The following PTPRN2 variants were observed in gnomAD, a reference collection of about 807,000 sequenced individuals.
PTPRN2 encodes receptor-type tyrosine-protein phosphatase N2.
PTPRN2 carries 74 observed loss-of-function variants against 118.8 expected under a neutral mutation model. That is an observed-to-expected ratio of 0.62 (90% CI 0.52 to 0.76). The LOEUF (loss-of-function observed/expected upper bound fraction) is 0.76, where lower values mean the gene tolerates loss of function less well. Ranked by LOEUF, PTPRN2 falls within the 30% of genes least tolerant of loss-of-function variation. PTPRN2 has a pLI of 0.00. For missense variants in PTPRN2, 1,481 were observed against 1,394.4 expected (o/e 1.06, Z -0.99); for synonymous variants, 641 against 608.0 (o/e 1.05, Z -0.80).
intron 12 of PTPRN2, among the ~76,000 whole-genome samples, chr7:157,707,355 C>A (rs1798385387): frequency 6.6e-6 from 1 of 152,120 alleles, no homozygotes; most frequent in African/African-American, 2.4e-5. Context: ...TAAACACCAA[C>A]TCAAGCACAC....
Position 158,574,366 on chromosome 7 carries a change from T to A in PTPRN2, c.112+13192A>T, listed in dbSNP as rs189107154. Among the ~76,000 whole-genome samples the A allele has an allele frequency of 0.011, 1,662 of 152,386 alleles. 14 individuals carry two copies. The highest frequency in any genetic ancestry group is 0.02 in the Middle Eastern group (6 of 294). The stretch of plus-strand genomic sequence containing the variant: ...ATTTCTCATTCTCTTAAATTTGTTT[T>A]GAATTTTTTATTATAAACATACAAT... On this transcript the variant is annotated intron_variant, in intron 1 of 22. Coordinates refer to ENST00000389418, the MANE Select transcript of PTPRN2 (RefSeq NM_002847.5). The surrounding 1 kb of genome is among the most constrained non-coding windows in gnomAD (Gnocchi z 4.6).
chr7:157,664,042 G>A (rs1329286186), intron 13 of PTPRN2, among the ~76,000 whole-genome samples: 1 of 152,188 alleles, frequency 6.6e-6, no homozygotes, highest in East Asian at 1.9e-4. Flanking sequence ...AAGCAAGGCT[G>A]CCAGTGTGGG....
At chr7:157,563,269 C>T (rs1314151197) in intron 21 of PTPRN2, among the ~76,000 whole-genome samples, 4 of 137,036 alleles carry the variant, frequency 2.9e-5, no homozygotes, top group South Asian at 2.5e-4. Context: ...ATCAGGACCA[C>T]GTGCTCCCAC....
chr7:158,047,126 C>A (rs1048328698), intron 11 of PTPRN2, among the ~76,000 whole-genome samples: 1 of 152,212 alleles, frequency 6.6e-6, no homozygotes, highest in African/African-American at 2.4e-5. Context: ...GGTCACAGAG[C>A]ATTTGCTGAG....
intron 5 of PTPRN2, among the ~76,000 whole-genome samples, chr7:158,181,010 C>T (rs1301465540): frequency 6.6e-6 from 1 of 152,138 alleles, no homozygotes; most frequent in Non-Finnish European, 1.5e-5. Flanking sequence ...GCATCCTTGT[C>T]TTCTTTCAGT....
intron 11 of PTPRN2, among the ~76,000 whole-genome samples, chr7:158,060,374 C>T (rs988773465): frequency 5.3e-5 from 8 of 152,260 alleles, no homozygotes; most frequent in Non-Finnish European, 8.8e-5. Context: ...CCCCAGCGGC[C>T]GCCATCACAG....
At chr7:157,919,613 G>A (rs1394670548) in intron 11 of PTPRN2, among the ~76,000 whole-genome samples, 1 of 152,022 alleles carries the variant, frequency 6.6e-6, no homozygotes, top group Non-Finnish European at 1.5e-5. Flanking sequence ...GATTTTAGGG[G>A]AAAAAATCAT....
At chr7:157,783,396 C>T (rs1019504869) in intron 12 of PTPRN2, among the ~76,000 whole-genome samples, 22 of 151,542 alleles carry the variant, frequency 1.5e-4, no homozygotes, top group Admixed American at 9.9e-4. Context: ...CTGGGACATA[C>T]GTCCATCCAT....
intron 2 of PTPRN2, among the ~76,000 whole-genome samples, chr7:158,425,819 C>T (rs868412253): frequency 6.9e-4 from 77 of 110,920 alleles, no homozygotes; most frequent in African/African-American, 1.4e-3. Flanking sequence ...ACGCGGGGTC[C>T]GAGACCAGCC....
In PTPRN2 at chr7:157,847,318, G is replaced by A. The variant is rs192316418; in HGVS notation, c.1788+51355C>T. Among the ~76,000 whole-genome samples the A allele has an allele frequency of 5.0e-5, 7 of 141,092 alleles. 1 individual carries two copies. Among genetic ancestry groups the A allele is most frequent in the African/African-American group, 8.1e-5 (3 of 36,992 alleles). The allele number at this position is 141,092 out of a possible 152,430, so 92.6% of individuals were successfully genotyped here. On this transcript the variant is annotated intron_variant, in intron 12 of 22. Transcript: ENST00000389418. ...CTCCCTCACTACATCATGTGTGGCC[G>A]ATGTTTACAGAGCCCTCTCTCATTA...
rs78644164 is a variant in PTPRN2 at position 158,510,782 on chromosome 7, G to A, written c.113-20997C>T. 1.8e-3 allele frequency among the ~76,000 whole-genome samples: 273 copies of A among 152,278 alleles called. 7 individuals are homozygous for A. The East Asian group carries it at 0.034, about 19-fold the overall frequency. ...CGGATGTGAATGTAAAGAATAAGCC[G>A]ACAGGTCGGATGTGAATGTAAAGAA... On this transcript the variant is annotated intron_variant, in intron 1 of 22. Transcript: ENST00000389418.
chr7:157,651,764 C>A (rs1026937790), intron 14 of PTPRN2, among the ~76,000 whole-genome samples: 3 of 152,242 alleles, frequency 2.0e-5, no homozygotes, highest in African/African-American at 7.2e-5. Flanking sequence ...CTTTGATAAC[C>A]GTCCTGCGAA....
chr7:158,106,811 C>T (rs1309125892), intron 10 of PTPRN2, among the ~76,000 whole-genome samples: 1 of 152,122 alleles, frequency 6.6e-6, no homozygotes, highest in Non-Finnish European at 1.5e-5. Flanking sequence ...CTCTAATTTT[C>T]AAAATATAAA....
At chr7:158,488,210 C>T (rs902073959) in intron 2 of PTPRN2, among the ~76,000 whole-genome samples, 1 of 152,164 alleles carries the variant, frequency 6.6e-6, no homozygotes, top group Non-Finnish European at 1.5e-5. Flanking sequence ...TTCAATATCG[C>T]TATTTTTCTT....
chr7:158,274,125 G>GGA (rs1243380448), intron 3 of PTPRN2, among the ~76,000 whole-genome samples: 3 of 90,800 alleles, frequency 3.3e-5, no homozygotes, highest in East Asian at 4.1e-4. Flanking sequence ...CGCAGACACG[G>GGA]GGAGCCGCAG....
intron 12 of PTPRN2, among the ~76,000 whole-genome samples, chr7:157,803,592 T>C (rs761764814): frequency 3.9e-5 from 6 of 152,218 alleles, no homozygotes; most frequent in Non-Finnish European, 5.9e-5. Flanking sequence ...CTTTAGCCCA[T>C]GTTGAGTGGG....
intron 1 of PTPRN2, among the ~76,000 whole-genome samples, chr7:158,521,062 C>A (rs1158338428): frequency 1.3e-5 from 2 of 152,262 alleles, no homozygotes; most frequent in Admixed American, 6.5e-5. Context: ...CCATGACTTC[C>A]CTCTGTGCGA....
chr7:158,531,570 T>C (rs1473727982), intron 1 of PTPRN2, among the ~76,000 whole-genome samples: 1 of 152,250 alleles, frequency 6.6e-6, no homozygotes, highest in Admixed American at 6.5e-5. Flanking sequence ...GGGTGTTTGC[T>C]GTGGTGGACA....
intron 3 of PTPRN2, among the ~76,000 whole-genome samples, chr7:158,255,010 G>C (rs1420152502): frequency 6.6e-6 from 1 of 152,212 alleles, no homozygotes; most frequent in Non-Finnish European, 1.5e-5. Context: ...CTCCCCTGCT[G>C]TCTTTCCTAG....
Sources: gnomAD v4.1 joint callset for allele counts (sites outside exome capture counted in the v4.1 genomes callset) on GRCh38, gnomAD v4.1.1 for gene constraint, Gnocchi (gnomAD v3.1) non-coding constraint, MANE v1.5 for transcripts, NCBI Gene and HGNC (gene_info 2026-07-23, HGNC 2026-07-21) for gene names.